The following PODXL variants were observed in gnomAD, a reference collection of about 807,000 sequenced individuals.
PODXL encodes podocalyxin.
In PODXL, 20 loss-of-function variants were observed where a neutral mutation model predicts 48.9. The observed-to-expected ratio is 0.41, with a 90% CI of 0.29 to 0.59. PODXL has a LOEUF of 0.59. PODXL is among the 20% of genes least tolerant of loss of function. The pLI is 0.31. For missense variants in PODXL, 606 were observed against 675.1 expected (o/e 0.90, Z 1.13); for synonymous variants, 295 against 287.4 (o/e 1.03, Z -0.27).
At chr7:131,536,163 T>C (rs1422603915) in intron 1 of PODXL, among the ~76,000 whole-genome samples, 1 of 152,190 alleles carries the variant, frequency 6.6e-6, no homozygotes, top group Non-Finnish European at 1.5e-5. Context: ...AGCCACATCA[T>C]GGCAAACTGG....
At chr7:131,506,171 G>C in intron 7 of PODXL, 89 bp downstream of exon 7, 10 of 1,552,340 alleles carry the variant, frequency 6.4e-6, no homozygotes, top group Non-Finnish European at 8.9e-6. Flanking sequence ...CACATGACGG[G>C]GTTCCTCCCC....
intron 1 of PODXL, among the ~76,000 whole-genome samples, chr7:131,550,124 T>G (rs1000421114): frequency 2.6e-5 from 4 of 152,230 alleles, no homozygotes; most frequent in South Asian, 2.1e-4. Flanking sequence ...TAACCACCTA[T>G]TTGGCTAGAG....
rs767490123 is a variant in PODXL, at chr7:131,511,261, C to T, written c.273G>A (p.Gly91=). ...TTLGVSSDSP[G]TTTLAQQVSG... The stretch of plus-strand genomic sequence containing the variant: ...AGACTTGCTGAGCCAGGGTTGTAGT[C>T]CCCGGTGAGTCACTGGATACACCAA... Residue 91 remains glycine, a synonymous_variant, in exon 2 of 9, where the codon GGG becomes GGA. Coordinates refer to ENST00000378555, the MANE Select transcript of PODXL (RefSeq NM_001018111.3). The T allele has an allele frequency of 8.7e-6, 14 of 1,613,866 alleles. No individual in the cohort carries two copies. The South Asian group carries it at 1.5e-4, about 18-fold the overall frequency.
chr7:131,531,971 A>G (rs190476017), intron 1 of PODXL, among the ~76,000 whole-genome samples: 24 of 152,122 alleles, frequency 1.6e-4, no homozygotes, highest in African/African-American at 5.3e-4. Context: ...TTAGCTGGGC[A>G]TGGTGGTGCA....
chr7:131,509,627 A>T, intron 3 of PODXL, 42 bp from the exon 4 acceptor site: 1 of 1,332,002 alleles, frequency 7.5e-7, no homozygotes, highest in South Asian at 1.5e-5. Context: ...AGATGAGTGC[A>T]CCCTTGCGAG....
Position 131,502,863 on chromosome 7 carries a change from A to C in PODXL, c.*1448T>G, listed in dbSNP as rs1194685197. On this transcript the variant is annotated 3_prime_UTR_variant, in exon 9 of 9. Transcript: ENST00000378555. ...TAGCTTTGTGTTCCCCTGAGATGCCACCAGAAACTGCAAGAGAACCGCAGC... is the reference window on the plus strand; with the variant it reads ...TAGCTTTGTGTTCCCCTGAGATGCCCCCAGAAACTGCAAGAGAACCGCAGC... The C allele has an allele frequency of 3.9e-5, 6 of 152,736 alleles. No homozygotes were observed. Among genetic ancestry groups the C allele is most frequent in the African/African-American group, 1.4e-4 (6 of 41,450 alleles). 9.5% of individuals were successfully genotyped at this position (152,736 alleles called of 1,614,324 possible). A position where few individuals can be genotyped will look rare whatever the true frequency, so the allele number is the denominator to read the frequency against.
chr7:131,525,934 A>C (rs1798178189), intron 1 of PODXL, among the ~76,000 whole-genome samples: 2 of 152,206 alleles, frequency 1.3e-5, no homozygotes, highest in Non-Finnish European at 2.9e-5. Context: ...GTCAGTCGGA[A>C]CTCATGTTTC....
chr7:131,546,935 C>T (rs971152819), intron 1 of PODXL, among the ~76,000 whole-genome samples: 3 of 152,070 alleles, frequency 2.0e-5, no homozygotes, highest in Non-Finnish European at 4.4e-5. Context: ...CACTGAGGCC[C>T]CCAGCCTGAG....
intron 1 of PODXL, among the ~76,000 whole-genome samples, chr7:131,537,666 C>T (rs535261441): frequency 1.5e-5 from 2 of 130,354 alleles, no homozygotes; most frequent in Admixed American, 2.0e-4. Flanking sequence ...AGGGAATACA[C>T]ACATTTAACC....
chr7:131,520,335 T>C (rs1292878722), intron 1 of PODXL: 15 of 525,252 alleles, frequency 2.9e-5, no homozygotes, highest in Non-Finnish European at 4.8e-5. Flanking sequence ...GATACCAGGC[T>C]CATCAAAGCT....
At chr7:131,539,694 A>G (rs1798443423) in intron 1 of PODXL, among the ~76,000 whole-genome samples, 1 of 152,208 alleles carries the variant, frequency 6.6e-6, no homozygotes, top group Non-Finnish European at 1.5e-5. Context: ...GCGGGGCTGG[A>G]AGAAGGGGCA....
chr7:131,510,225 G>C lies in PODXL; in HGVS notation c.802+11C>G. The stretch of plus-strand genomic sequence containing the variant: ...AGTAAACAGGTATCGGCCGGGCATG[G>C]TGGCTCATACCTGTAATCCCAGCAC... On this transcript the variant is annotated intron_variant, in intron 3 of 8. Transcript: ENST00000378555. 3 of 447,312 alleles carry C rather than the reference G, an allele frequency of 6.7e-6. No homozygotes were observed. The highest frequency in any genetic ancestry group is 4.7e-5 in the South Asian group (3 of 63,988). 27.7% of individuals were successfully genotyped at this position (447,312 alleles called of 1,614,324 possible). A position where few individuals can be genotyped will look rare whatever the true frequency, so the allele number is the denominator to read the frequency against.
At chr7:131,542,524 G>A (rs972616420) in intron 1 of PODXL, among the ~76,000 whole-genome samples, 1 of 152,114 alleles carries the variant, frequency 6.6e-6, no homozygotes, top group Non-Finnish European at 1.5e-5. Flanking sequence ...AGGCATGGTG[G>A]TGCATGCCTG....
At chr7:131,505,769 C>A (rs1797787080) in intron 8 of PODXL, 99 bp downstream of exon 8, 16 of 1,215,890 alleles carry the variant, frequency 1.3e-5, no homozygotes, top group Non-Finnish European at 1.7e-5. Context: ...GGGTCCAGGG[C>A]CTGCTCCCTT....
chr7:131,507,168 A>G (rs576645677), intron 5 of PODXL, among the ~76,000 whole-genome samples: 13 of 152,300 alleles, frequency 8.5e-5, no homozygotes, highest in Admixed American at 7.8e-4. Flanking sequence ...TTTCATGCCC[A>G]GTTCGGAGAA....
chr7:131,508,705 C>A (rs191022384), intron 5 of PODXL, among the ~76,000 whole-genome samples: 1 of 81,910 alleles, frequency 1.2e-5, no homozygotes, highest in Admixed American at 1.8e-4. Flanking sequence ...CCGAGGAAAC[C>A]GGGGGGTGGG....
intron 5 of PODXL, among the ~76,000 whole-genome samples, chr7:131,508,715 GA>G (rs1284703371): frequency 1.2e-4 from 12 of 102,818 alleles, no homozygotes; most frequent in East Asian, 3.6e-4. Context: ...CGGGGGGTGG[GA>G]GGGGGGGGTC....
intron 6 of PODXL, 87 bp from the exon 7 acceptor site, chr7:131,506,408 C>T (rs911974719): frequency 1.9e-5 from 28 of 1,476,550 alleles, no homozygotes; most frequent in Middle Eastern, 1.8e-4. Flanking sequence ...AGGGACGCAC[C>T]GTATCTCAGT....
At chr7:131,546,959 C>A (rs1168944258) in intron 1 of PODXL, among the ~76,000 whole-genome samples, 1 of 152,154 alleles carries the variant, frequency 6.6e-6, no homozygotes, top group Non-Finnish European at 1.5e-5. Flanking sequence ...TGGGGAAGGG[C>A]CTTGAAGAAG....
Sources: gnomAD v4.1 joint callset for allele counts (sites outside exome capture counted in the v4.1 genomes callset) on GRCh38, gnomAD v4.1.1 for gene constraint, MANE v1.5 for transcripts, NCBI Gene and HGNC (gene_info 2026-07-23, HGNC 2026-07-21) for gene names.